Variants in LARS2 observed in about 807,000 individuals in gnomAD.
LARS2 encodes the protein leucyl-tRNA synthetase 2, mitochondrial, also known as leucine--tRNA ligase, mitochondrial.
In LARS2, 81 loss-of-function variants were observed where a neutral mutation model predicts 116.6. The ratio of observed to expected loss-of-function variants is 0.69; its 90% CI spans 0.58 to 0.84. LARS2 has a LOEUF of 0.84. Among genes scored for constraint, LARS2 ranks in the 40% least tolerant of loss-of-function variants. The pLI, the probability that LARS2 is intolerant of heterozygous loss-of-function variation, is 0.00. For synonymous variants in LARS2, 396 were observed against 407.2 expected (o/e 0.97, Z 0.33); for missense variants, 968 against 1,114.5 (o/e 0.87, Z 1.87).
chr3:45,527,513 A>G (rs1209677158), intron 20 of LARS2, among the ~76,000 whole-genome samples: 3 of 151,844 alleles, frequency 2.0e-5, no homozygotes, highest in African/African-American at 7.3e-5. Flanking sequence ...AGTCCCAGCT[A>G]CTCGAGAGGC....
At chr3:45,508,290 CTG>C (rs1299459923) in intron 15 of LARS2, among the ~76,000 whole-genome samples, 1 of 152,044 alleles carries the variant, frequency 6.6e-6, no homozygotes, top group Non-Finnish European at 1.5e-5. Context: ...GCTTTCTTCT[CTG>C]TTACTCTGAT....
chr3:45,537,024 CTG>C (rs5848749), intron 20 of LARS2, among the ~76,000 whole-genome samples: 7,199 of 149,672 alleles, frequency 0.048, 506 homozygotes, highest in African/African-American at 0.16. Context: ...TTCTTTTGCT[CTG>C]TGTGTGTGTG....
chr3:45,504,686 A>G (rs1700172129), intron 15 of LARS2, among the ~76,000 whole-genome samples: 1 of 151,902 alleles, frequency 6.6e-6, no homozygotes, highest in South Asian at 2.1e-4. Flanking sequence ...AAAGATTGTC[A>G]TTGATAATGG....
intron 6 of LARS2, among the ~76,000 whole-genome samples, chr3:45,445,498 T>A (rs188128173): frequency 6.6e-6 from 1 of 152,208 alleles, no homozygotes; most frequent in Non-Finnish European, 1.5e-5. Context: ...CCTGTAGACA[T>A]CTGTGAAGCT....
At chr3:45,493,229 A>T (rs1699953799) in intron 13 of LARS2, among the ~76,000 whole-genome samples, 1 of 152,080 alleles carries the variant, frequency 6.6e-6, no homozygotes, top group Non-Finnish European at 1.5e-5. Context: ...CCTCCCGAGT[A>T]GCTGGGACTA....
chr3:45,394,833 C>T (rs1313750954), intron 3 of LARS2, 146 bp downstream of exon 3: 8 of 632,038 alleles, frequency 1.3e-5, no homozygotes, highest in Admixed American at 2.8e-5. Context: ...ATTCTCTTAT[C>T]TGAGATGGAG....
chr3:45,417,406 G>A, intron 4 of LARS2, 76 bp from the exon 5 acceptor site: 1 of 1,098,260 alleles, frequency 9.1e-7, no homozygotes, highest in Non-Finnish European at 1.4e-6. Flanking sequence ...AGAGAGTGCT[G>A]AGTTTGCCCC....
chr3:45,521,417 A>G (rs1167944388), intron 19 of LARS2, among the ~76,000 whole-genome samples: 1 of 152,204 alleles, frequency 6.6e-6, no homozygotes, highest in Non-Finnish European at 1.5e-5. Flanking sequence ...CCTGGGCAAC[A>G]GAGCAGGAGA....
intron 6 of LARS2, among the ~76,000 whole-genome samples, chr3:45,435,607 C>T (rs1698784617): frequency 1.3e-5 from 2 of 151,912 alleles, no homozygotes; most frequent in South Asian, 2.1e-4. Flanking sequence ...CCCTCCCTCC[C>T]TTCCTTCCTA....
In LARS2 at chr3:45,500,531, CA is replaced by C. The variant is rs1700100694; in HGVS notation, c.1714del (p.Arg572AspfsTer62). ...KEHAVMHLFY[A>X]RFFSHFCHDQ... ...CATGCCGTCATGCACTTGTTCTATGCAAGATTCTTTAGTCATTTTTGCCATG... is the reference window on the plus strand; with the variant it reads ...CATGCCGTCATGCACTTGTTCTATGCAGATTCTTTAGTCATTTTTGCCATG... On this transcript the variant is annotated frameshift_variant, in exon 15 of 22. Coordinates refer to ENST00000645846, the MANE Select transcript of LARS2 (RefSeq NM_015340.4). LOFTEE classifies it high-confidence loss of function. The C allele has an allele frequency of 6.3e-7, 1 of 1,574,884 alleles. No homozygotes were observed. The highest frequency in any genetic ancestry group is 8.6e-7 in the Non-Finnish European group (1 of 1,165,978).
chr3:45,394,444 C>T lies in LARS2; in HGVS notation c.-10C>T. ...GCCCTCTTTTTCAGGGCCTTCTCAC[C>T]TTCTGAAGAATGGCTTCTGTTTGGC... On this transcript the variant is annotated 5_prime_UTR_variant, in exon 3 of 22. Coordinates refer to ENST00000645846, the MANE Select transcript of LARS2 (RefSeq NM_015340.4). 1 of 1,609,502 alleles carries T rather than the reference C, an allele frequency of 6.2e-7. No individual in the cohort carries two copies. Among genetic ancestry groups the T allele is most frequent in the Non-Finnish European group, 8.5e-7 (1 of 1,175,856 alleles).
chr3:45,389,610 G>T, intron 1 of LARS2, among the ~76,000 whole-genome samples: 1 of 152,202 alleles, frequency 6.6e-6, no homozygotes, highest in Non-Finnish European at 1.5e-5. Context: ...TCTAAAGAGG[G>T]GTGGAGTAGT....
intron 11 of LARS2, among the ~76,000 whole-genome samples, chr3:45,488,376 TGAGCC>T (rs1157277618): frequency 6.6e-6 from 1 of 152,186 alleles, no homozygotes; most frequent in African/African-American, 2.4e-5. Context: ...GAAGTTGCAG[TGAGCC>T]GAGATCGTGC....
At chr3:45,471,429 T>G (rs78130745) in intron 8 of LARS2, among the ~76,000 whole-genome samples, 1,676 of 152,356 alleles carry the variant, frequency 0.011, 11 homozygotes, top group Admixed American at 0.018. Flanking sequence ...AACATTCACA[T>G]TTCATCCTAT....
chr3:45,424,138 A>T (rs1698556180), intron 6 of LARS2, among the ~76,000 whole-genome samples: 1 of 151,980 alleles, frequency 6.6e-6, no homozygotes, highest in Non-Finnish European at 1.5e-5. Flanking sequence ...TTTTAGATGT[A>T]ATCATTTGTG....
At chr3:45,406,998 C>T (rs543150984) in intron 4 of LARS2, among the ~76,000 whole-genome samples, 234 of 152,210 alleles carry the variant, frequency 1.5e-3, no homozygotes, top group Non-Finnish European at 1.7e-3. Flanking sequence ...GTCCAGAAGC[C>T]GGGTGATAAA....
At chr3:45,485,501 G>A (rs1265434715) in intron 10 of LARS2, among the ~76,000 whole-genome samples, 191 bp from the exon 11 acceptor site, 1 of 152,052 alleles carries the variant, frequency 6.6e-6, no homozygotes, top group Non-Finnish European at 1.5e-5. Flanking sequence ...TTTTTCATGT[G>A]CGTATTTAAT....
chr3:45,403,086 C>G (rs1052158716), intron 4 of LARS2, among the ~76,000 whole-genome samples: 1 of 92,618 alleles, frequency 1.1e-5, no homozygotes, highest in African/African-American at 4.4e-5. Context: ...GCCTGGGCAA[C>G]AAGAGCGAAA....
chr3:45,430,252 G>A (rs1229040545), intron 6 of LARS2, among the ~76,000 whole-genome samples: 2 of 144,008 alleles, frequency 1.4e-5, no homozygotes, highest in Admixed American at 7.0e-5. Flanking sequence ...GATTACAGGC[G>A]TGAGCCACCG....
Sources: gnomAD v4.1 joint callset for allele counts (sites outside exome capture counted in the v4.1 genomes callset) on GRCh38, gnomAD v4.1.1 for gene constraint, MANE v1.5 for transcripts, NCBI Gene and HGNC (gene_info 2026-07-23, HGNC 2026-07-21) for gene names.